LGALS3: variants seen among roughly 807,000 people sequenced by gnomAD.
LGALS3 encodes the protein galectin-3.
LGALS3 carries 18 observed loss-of-function variants against 20.7 expected under a neutral mutation model. The ratio of observed to expected loss-of-function variants is 0.87; its 90% CI spans 0.60 to 1.29. The LOEUF is 1.29. Ranked by LOEUF, LGALS3 falls within the 50% of genes most tolerant of loss-of-function variation. LGALS3 has a pLI of 0.00. For synonymous variants in LGALS3, 112 were observed against 119.6 expected (o/e 0.94, Z 0.42); for missense variants, 315 against 314.7 (o/e 1.00, Z -0.01).
chr14:55,138,024 T>C (rs1881465518), intron 2 of LGALS3, 21 bp from the exon 3 acceptor site: 1 of 1,483,132 alleles, frequency 6.7e-7, no homozygotes, highest in Middle Eastern at 1.8e-4. Context: ...GTCCCGTAAT[T>C]GTGTATGTCT....
chr14:55,130,560 A>G (rs541296159), intron 1 of LGALS3, among the ~76,000 whole-genome samples: 1,486 of 135,132 alleles, frequency 0.011, 28 homozygotes, highest in African/African-American at 0.038. Flanking sequence ...TGTTTACCTA[A>G]GGTTTTTTTT....
At position 55,140,578 on chromosome 14, in the gene LGALS3, G is replaced by A; in HGVS notation, c.431+215G>A. Reference sequence around the variant, plus strand: ...CCATATAATTTTGCTAAGCATCATGGCACTCATAGTAAACGGTAACACACC... The same window carrying A: ...CCATATAATTTTGCTAAGCATCATGACACTCATAGTAAACGGTAACACACC... On this transcript the variant is annotated intron_variant, in intron 4 of 5. Coordinates refer to ENST00000254301, the MANE Select transcript of LGALS3 (RefSeq NM_002306.4). 6.4e-6 allele frequency: 3 copies of A among 466,288 alleles called. No individual in the cohort carries two copies. In the South Asian group the frequency reaches 8.9e-5, roughly 14 times the overall value. 28.9% of individuals were successfully genotyped at this position (466,288 alleles called of 1,614,324 possible).
Position 55,138,209 on chromosome 14 carries a change from C to T in LGALS3, c.183C>T (p.Gly61=), listed in dbSNP as rs775764321. The change falls in exon 3 of 6, where the codon GGC becomes GGT. Residue 61 remains glycine (G), a synonymous_variant. Coordinates refer to ENST00000254301, the MANE Select transcript of LGALS3 (RefSeq NM_002306.4). ...PGAYPGQAPP[G]AYPGAPGAYP... is the part of the protein sequence containing the mutation. The stretch of plus-strand genomic sequence containing the variant: ...CTTATCCTGGACAGGCACCTCCAGG[C>T]GCCTACCCTGGAGCACCTGGAGCTT... 4 of 1,612,758 alleles carry T rather than the reference C, an allele frequency of 2.5e-6. No homozygotes were observed. Among genetic ancestry groups the T allele is most frequent in the Middle Eastern group, 1.6e-4 (1 of 6,084 alleles).
At position 55,138,343 on chromosome 14, in the gene LGALS3, C is replaced by T. The variant is rs1472767749; in HGVS notation, c.317C>T (p.Pro106Leu). 1.9e-6 allele frequency: 3 copies of T among 1,612,880 alleles called. No individual in the cohort carries two copies. The East Asian group carries it at 6.7e-5, about 36-fold the overall frequency. Reference protein sequence around the residue: ...SATGAYPATGPYGAPAGPLIV... With the variant: ...SATGAYPATGLYGAPAGPLIV... Reference sequence around the variant, plus strand: ...ACCGGAGCCTACCCTGCCACTGGCCCCTATGGCGCCCCTGCTGGGCCACTG... The same window carrying T: ...ACCGGAGCCTACCCTGCCACTGGCCTCTATGGCGCCCCTGCTGGGCCACTG... The change falls in exon 3 of 6, where the codon CCC becomes CTC. Residue 106 changes from proline (P) to leucine (L), a missense_variant. Coordinates refer to ENST00000254301, the MANE Select transcript of LGALS3 (RefSeq NM_002306.4).
chr14:55,136,515 AT>A (rs542713667), intron 1 of LGALS3, among the ~76,000 whole-genome samples: 2 of 150,324 alleles, frequency 1.3e-5, no homozygotes, highest in South Asian at 4.2e-4. Context: ...TTCGGCTTTT[AT>A]TTTTTTTTAA....
At position 55,142,845 on chromosome 14, in the gene LGALS3, C is replaced by T. The variant is rs796652006; in HGVS notation, c.597+96C>T. 3.0e-6 allele frequency: 3 copies of T among 984,970 alleles called. No individual in the cohort carries two copies. The South Asian group carries it at 4.8e-5, about 16-fold the overall frequency. 61.0% of individuals were successfully genotyped at this position (984,970 alleles called of 1,614,324 possible). On this transcript the variant is annotated intron_variant, in intron 5 of 5. Transcript: ENST00000254301. ...CACTTGAAGTGAGAGTTTTTATCAC[C>T]TCTCCTAAGGTGCCTAACCAGTTTA...
intron 4 of LGALS3, among the ~76,000 whole-genome samples, chr14:55,141,268 A>G (rs1194812236): frequency 3.9e-5 from 6 of 152,210 alleles, no homozygotes; most frequent in Non-Finnish European, 7.3e-5. Flanking sequence ...CACACAGCCT[A>G]GACAATTTCT....
At chr14:55,140,447 C>A in intron 4 of LGALS3, 84 bp downstream of exon 4, 2 of 827,916 alleles carry the variant, frequency 2.4e-6, no homozygotes, top group Non-Finnish European at 3.9e-6. Context: ...TCTTCTTGCC[C>A]TGTCTTACAG....
intron 1 of LGALS3, chr14:55,137,100 G>T (rs1200021589): frequency 7.2e-6 from 4 of 551,890 alleles, no homozygotes; most frequent in Non-Finnish European, 1.3e-5. Context: ...AGGGGATGGG[G>T]CAGTTAGTGG....
chr14:55,139,423 G>A (rs1309510715), intron 3 of LGALS3, among the ~76,000 whole-genome samples: 2 of 152,170 alleles, frequency 1.3e-5, no homozygotes, highest in African/African-American at 4.8e-5. Flanking sequence ...GCAAATCTAG[G>A]TGGGAGGAAG....
At chr14:55,132,568 G>GCTTTT (rs10629194) in intron 1 of LGALS3, among the ~76,000 whole-genome samples, 81,876 of 151,174 alleles carry the variant, frequency 0.54, 25,029 homozygotes, top group African/African-American at 0.85. Flanking sequence ...CAGTTATAAT[G>GCTTTT]CTTTTCTTTT....
chr14:55,137,738 G>A (rs750958020), intron 2 of LGALS3: 65 of 1,336,426 alleles, frequency 4.9e-5, no homozygotes, highest in Non-Finnish European at 6.2e-5. Flanking sequence ...TTTTCTCACG[G>A]TGATGAAAAA....
intron 5 of LGALS3, 72 bp from the exon 6 acceptor site, chr14:55,145,044 T>G: frequency 8.4e-7 from 1 of 1,188,866 alleles, no homozygotes. Flanking sequence ...AATATGTATA[T>G]ATTGTGGAAT....
chr14:55,137,261 T>C, intron 1 of LGALS3, 109 bp from the exon 2 acceptor site: 1 of 1,054,392 alleles, frequency 9.5e-7, no homozygotes, highest in South Asian at 1.3e-5. Flanking sequence ...GACTTAGGCA[T>C]AATGCCTAGA....
intron 1 of LGALS3, among the ~76,000 whole-genome samples, chr14:55,132,712 C>T (rs771144851): frequency 3.3e-5 from 5 of 152,064 alleles, no homozygotes; most frequent in Non-Finnish European, 5.9e-5. Context: ...GGATTACAGG[C>T]GCCCACCACC....
At chr14:55,140,915 T>C (rs1263926822) in intron 4 of LGALS3, among the ~76,000 whole-genome samples, 2 of 152,204 alleles carry the variant, frequency 1.3e-5, no homozygotes, top group Non-Finnish European at 2.9e-5. Flanking sequence ...CCTGGGCTGC[T>C]TGGCCCTGGT....
chr14:55,134,221 G>A (rs76426991), intron 1 of LGALS3, among the ~76,000 whole-genome samples: 8,706 of 152,208 alleles, frequency 0.057, 313 homozygotes, highest in South Asian at 0.091. Context: ...ACACTTGGTT[G>A]TCACAAGTTG....
chr14:55,140,160 T>C, intron 3 of LGALS3, 115 bp from the exon 4 acceptor site: 1 of 683,896 alleles, frequency 1.5e-6, no homozygotes, highest in East Asian at 2.8e-5. Context: ...AGATGGCATA[T>C]ACTAGAGTTA....
Position 55,142,728 on chromosome 14 carries a change from T to G in LGALS3, c.576T>G (p.Phe192Leu), listed in dbSNP as rs772258921. The G allele has an allele frequency of 7.4e-6, 12 of 1,613,482 alleles. No homozygotes were observed. The South Asian group carries it at 1.3e-4, about 18-fold the overall frequency. ...GREERQSVFP[F>L]ESGKPFKIQV... ...AAGAAAGACAGTCGGTTTTCCCATT[T>G]GAAAGTGGGAAACCATTCAAAGTAA... Residue 192 changes from phenylalanine (F) to leucine (L), a missense_variant, in exon 5 of 6, where the codon TTT (phenylalanine) becomes TTG (leucine). Coordinates refer to ENST00000254301, the MANE Select transcript of LGALS3 (RefSeq NM_002306.4).
Sources: gnomAD v4.1 joint callset for allele counts (sites outside exome capture counted in the v4.1 genomes callset) on GRCh38, gnomAD v4.1.1 for gene constraint, MANE v1.5 for transcripts, NCBI Gene and HGNC (gene_info 2026-07-23, HGNC 2026-07-21) for gene names.